The following PDE7B variants were observed in gnomAD, a reference collection of about 807,000 sequenced individuals.
PDE7B encodes 3',5'-cyclic-AMP phosphodiesterase 7B.
PDE7B carries 29 observed loss-of-function variants against 56.2 expected under a neutral mutation model. The observed-to-expected ratio is 0.52, with a 90% CI of 0.38 to 0.70. The LOEUF (loss-of-function observed/expected upper bound fraction) is 0.70. PDE7B is among the 30% of genes least tolerant of loss of function. The pLI is 0.00. For missense variants in PDE7B, 490 were observed against 565.0 expected (o/e 0.87, Z 1.35); for synonymous variants, 197 against 196.9 (o/e 1.00, Z 0.00).
chr6:136,145,312 T>A (rs958521753), intron 3 of PDE7B, among the ~76,000 whole-genome samples: 2 of 152,130 alleles, frequency 1.3e-5, no homozygotes, highest in African/African-American at 4.8e-5. Context: ...CTCAGAGAGA[T>A]CCCTTGATGT....
rs200155988 is a variant in PDE7B at position 136,149,192 on chromosome 6, A to C, written c.382+42A>C. On this transcript the variant is annotated intron_variant, in intron 5 of 12. Transcript: ENST00000308191. ...AATTCTCACTAAAATATACACCATA[A>C]AGTGGGATTAATTTCATGAAAAACA... The C allele has an allele frequency of 2.5e-5, 32 of 1,276,994 alleles. No individual in the cohort carries two copies. The Admixed American group carries it at 4.3e-4, about 17-fold the overall frequency. The allele number at this position is 1,276,994 out of a possible 1,614,324, so 79.1% of individuals were successfully genotyped here.
At chr6:136,162,650 A>G (rs1778725610) in intron 8 of PDE7B, among the ~76,000 whole-genome samples, 1 of 152,156 alleles carries the variant, frequency 6.6e-6, no homozygotes, top group South Asian at 2.1e-4. Context: ...CCAAAAGTCC[A>G]AGTCCATAGT....
rs552474073 is a variant in PDE7B at position 136,010,189 on chromosome 6, A to T, written c.82+62665A>T. Among the ~76,000 whole-genome samples the T allele has an allele frequency of 2.2e-4, 33 of 152,274 alleles. No homozygotes were observed. The East Asian group carries it at 5.8e-3, about 27-fold the overall frequency. On this transcript the variant is annotated intron_variant, in intron 2 of 12. Coordinates refer to ENST00000308191, the MANE Select transcript of PDE7B (RefSeq NM_018945.4). The stretch of plus-strand genomic sequence containing the variant: ...ACTTATCCAAAAGTCATTCAAGAGC[A>T]TGTTGTTTAATTTCCATGTAATTGC...
chr6:135,958,091 G>T (rs1182953161), intron 2 of PDE7B, among the ~76,000 whole-genome samples: 1 of 152,116 alleles, frequency 6.6e-6, no homozygotes, highest in Non-Finnish European at 1.5e-5. Context: ...AACTAGCCAG[G>T]TGTGGTGGCA....
intron 2 of PDE7B, among the ~76,000 whole-genome samples, chr6:136,077,832 C>T (rs754101320): frequency 6.6e-6 from 1 of 152,110 alleles, no homozygotes; most frequent in Non-Finnish European, 1.5e-5. Context: ...AGCTGAGCAA[C>T]TTGGTAACGA....
At position 136,144,435 on chromosome 6, in the gene PDE7B, C is replaced by T. The variant is rs573431989; in HGVS notation, c.167-2916C>T. ...GAATGAAGGCATTCTTTTGTAACCA[C>T]ACTTCAATTATCAGACATTCAAATA... is the stretch of plus-strand genomic sequence containing the variant. On this transcript the variant is annotated intron_variant, in intron 3 of 12. Transcript: ENST00000308191. Among the ~76,000 whole-genome samples, 12 of 152,238 alleles carry T rather than the reference C, an allele frequency of 7.9e-5. No individual in the cohort carries two copies. The East Asian group carries it at 2.3e-3, about 29-fold the overall frequency.
At chr6:135,937,573 T>C (rs778297216) in intron 1 of PDE7B, among the ~76,000 whole-genome samples, 33 of 152,228 alleles carry the variant, frequency 2.2e-4, no homozygotes, top group Non-Finnish European at 4.1e-4. Context: ...CTAGTTTCTC[T>C]CTCCCCTACT....
At chr6:135,906,509 T>A (rs1776107742) in intron 1 of PDE7B, among the ~76,000 whole-genome samples, 1 of 152,172 alleles carries the variant, frequency 6.6e-6, no homozygotes, top group African/African-American at 2.4e-5. Flanking sequence ...ATAACAGAAC[T>A]TACAGCTCTT....
At chr6:135,942,227 T>C (rs1459754746) in intron 1 of PDE7B, among the ~76,000 whole-genome samples, 1 of 152,228 alleles carries the variant, frequency 6.6e-6, no homozygotes, top group Non-Finnish European at 1.5e-5. Context: ...AAAGTGATGA[T>C]AAAATTCAGT....
chr6:135,981,974 G>T (rs1775305675), intron 2 of PDE7B, among the ~76,000 whole-genome samples: 1 of 151,996 alleles, frequency 6.6e-6, no homozygotes, highest in South Asian at 2.1e-4. Context: ...TGCTACAATG[G>T]TTACAATGAC....
chr6:135,928,102 T>C (rs1233427004), intron 1 of PDE7B, among the ~76,000 whole-genome samples: 1 of 151,886 alleles, frequency 6.6e-6, no homozygotes, highest in Admixed American at 6.6e-5. Context: ...CTCACACCAG[T>C]CAGAATGCCC....
At chr6:136,046,132 A>T (rs1400738931) in intron 2 of PDE7B, 2 of 152,142 alleles carry the variant, frequency 1.3e-5, no homozygotes, top group South Asian at 2.1e-4. Context: ...ATTTAAAAAG[A>T]AAAGAAGAAG....
chr6:136,179,582 C>CG (rs1779031417), intron 10 of PDE7B, among the ~76,000 whole-genome samples: 1 of 152,120 alleles, frequency 6.6e-6, no homozygotes, highest in African/African-American at 2.4e-5. Flanking sequence ...AGAGTAATCC[C>CG]GCTGGATGCA....
chr6:135,970,067 A>G (rs1583802781), intron 2 of PDE7B, among the ~76,000 whole-genome samples: 2 of 152,138 alleles, frequency 1.3e-5, no homozygotes, highest in South Asian at 4.1e-4. Context: ...GTAAATATTT[A>G]TTGAGTATCT....
At chr6:136,100,918 CT>C (rs1777550708) in intron 2 of PDE7B, among the ~76,000 whole-genome samples, 1 of 152,126 alleles carries the variant, frequency 6.6e-6, no homozygotes, top group Non-Finnish European at 1.5e-5. Context: ...ATAAACAGCT[CT>C]TATTATTTTG....
chr6:136,025,700 C>T (rs1380760633), intron 2 of PDE7B, among the ~76,000 whole-genome samples: 1 of 152,066 alleles, frequency 6.6e-6, no homozygotes, highest in East Asian at 1.9e-4. Context: ...ACTAGGTAAC[C>T]AGATTTACCA....
chr6:135,900,293 A>G lies in PDE7B; in HGVS notation c.22-47171A>G, dbSNP rs377606470. Among the ~76,000 whole-genome samples, 6 of 152,206 alleles carry G rather than the reference A, an allele frequency of 3.9e-5. No individual in the cohort carries two copies. The East Asian group carries it at 7.7e-4, about 20-fold the overall frequency. On this transcript the variant is annotated intron_variant, in intron 1 of 12. Transcript: ENST00000308191. ...CTATGTCTTGGTCATTGCTCCTTAA[A>G]TAGGTGTACTTCTTTAGGAATACTG...
intron 5 of PDE7B, 82 bp from the exon 6 acceptor site, chr6:136,151,076 TAC>T (rs1778504481): frequency 1.4e-6 from 1 of 727,680 alleles, no homozygotes; most frequent in South Asian, 1.7e-5. Context: ...GAAACTTTAT[TAC>T]AGAGACTTTA....
At chr6:136,061,052 G>A (rs1460843092) in intron 2 of PDE7B, among the ~76,000 whole-genome samples, 1 of 152,070 alleles carries the variant, frequency 6.6e-6, no homozygotes, top group Non-Finnish European at 1.5e-5. Flanking sequence ...CAAATACTAT[G>A]AAGTTGGCTG....
Sources: gnomAD v4.1 joint callset for allele counts (sites outside exome capture counted in the v4.1 genomes callset) on GRCh38, gnomAD v4.1.1 for gene constraint, MANE v1.5 for transcripts, NCBI Gene and HGNC (gene_info 2026-07-23, HGNC 2026-07-21) for gene names.